Variants in KIT observed in about 807,000 individuals in gnomAD.
KIT encodes KIT proto-oncogene, receptor tyrosine kinase, also known as mast/stem cell growth factor receptor Kit.
Under a neutral mutation model 105.7 loss-of-function variants are expected in KIT, and 16 were observed. The ratio of observed to expected loss-of-function variants is 0.15; its 90% CI spans 0.10 to 0.23. The LOEUF (loss-of-function observed/expected upper bound fraction) is 0.23, where lower values mean the gene tolerates loss of function less well. Among genes scored for constraint, KIT ranks in the 10% least tolerant of loss-of-function variants. The probability of loss-of-function intolerance (pLI) is 1.00; values close to 1 mark genes in which losing one functional copy is unlikely to be tolerated. For missense variants in KIT, 858 were observed against 1,213.8 expected (o/e 0.71, Z 4.36); for synonymous variants, 438 against 441.1 (o/e 0.99, Z 0.09).
intron 2 of KIT, 122 bp downstream of exon 2, chr4:54,695,903 T>G: frequency 8.9e-7 from 1 of 1,122,416 alleles, no homozygotes; most frequent in Non-Finnish European, 1.3e-6. Flanking sequence ...CTAGAAGGCC[T>G]AAAACACATG....
intron 1 of KIT, among the ~76,000 whole-genome samples, chr4:54,673,722 C>A (rs1021171757): frequency 8.5e-5 from 13 of 152,192 alleles, no homozygotes; most frequent in Admixed American, 5.9e-4. Context: ...CAACTGGATT[C>A]TTTTCTGTTG....
chr4:54,672,305 A>ATTT (rs71662293), intron 1 of KIT, among the ~76,000 whole-genome samples: 5 of 130,150 alleles, frequency 3.8e-5, no homozygotes, highest in African/African-American at 5.2e-5. Flanking sequence ...ACTCAGTTTG[A>ATTT]TTTTTTTTTT....
intron 7 of KIT, among the ~76,000 whole-genome samples, chr4:54,715,310 T>A (rs1320809696): frequency 1.3e-5 from 2 of 151,816 alleles, no homozygotes; most frequent in African/African-American, 4.8e-5. Flanking sequence ...CCATCTAGCT[T>A]TTGGCCAGCC....
intron 7 of KIT, among the ~76,000 whole-genome samples, chr4:54,723,056 G>A (rs1333022979): frequency 1.3e-5 from 2 of 151,550 alleles, no homozygotes; most frequent in Non-Finnish European, 2.9e-5. Flanking sequence ...AGAGTGATTC[G>A]GCTTTTAATC....
chr4:54,723,657 G>C lies in KIT; in HGVS notation c.1305G>C (p.Glu435Asp). The change falls in exon 8 of 21, where the codon GAG becomes GAC. Residue 435 changes from glutamate (E) to aspartate (D), a missense_variant. Coordinates refer to ENST00000288135, the MANE Select transcript of KIT (RefSeq NM_000222.3). ...AATGTGTGGCAGCAGGATTCCCAGAGCCCACAATAGATTGGTATTTTTGTC... is the reference window on the plus strand; with the variant it reads ...AATGTGTGGCAGCAGGATTCCCAGACCCCACAATAGATTGGTATTTTTGTC... ...MLQCVAAGFP[E>D]PTIDWYFCPG... is the part of the protein sequence containing the mutation. 6.2e-7 allele frequency: 1 copy of C among 1,613,998 alleles called. No homozygotes were observed.
chr4:54,685,859 G>A (rs1719275752), intron 1 of KIT, among the ~76,000 whole-genome samples: 1 of 152,164 alleles, frequency 6.6e-6, no homozygotes, highest in Admixed American at 6.5e-5. Context: ...TGAGCCCTAG[G>A]AATCTTTTTC....
intron 7 of KIT, among the ~76,000 whole-genome samples, chr4:54,720,182 G>T (rs1412601439): frequency 2.0e-5 from 3 of 151,944 alleles, no homozygotes; most frequent in Admixed American, 2.0e-4. Flanking sequence ...TAGATCTCTG[G>T]AGGTGCGGCC....
In KIT at chr4:54,736,813, G is replaced by A. The variant is rs1250080954; in HGVS notation, c.2689G>A (p.Ala897Thr). 4.3e-6 allele frequency: 7 copies of A among 1,613,746 alleles called. No homozygotes were observed. The highest frequency in any genetic ancestry group is 5.9e-6 in the Non-Finnish European group (7 of 1,179,784). Reference sequence around the variant, plus strand: ...GATGCTCAGCCCTGAACACGCACCTGCTGAAATGTAAGAGCCAAAAAATTT... The same window carrying A: ...GATGCTCAGCCCTGAACACGCACCTACTGAAATGTAAGAGCCAAAAAATTT... ...FRMLSPEHAP[A>T]EMYDIMKTCW... The change falls in exon 19 of 21, where the codon GCT (alanine) becomes ACT (threonine). Residue 897 changes from alanine to threonine, a missense_variant. Around this residue, in one of 7 missense-constraint regions of KIT, gnomAD observed 105 missense variants for 103.5 expected, o/e 1.01. Coordinates refer to ENST00000288135, the MANE Select transcript of KIT (RefSeq NM_000222.3).
At chr4:54,694,614 A>G (rs1198214610) in intron 1 of KIT, among the ~76,000 whole-genome samples, 2 of 152,138 alleles carry the variant, frequency 1.3e-5, no homozygotes, top group Admixed American at 6.5e-5. Context: ...TCCTAGGCTC[A>G]AGCAATCTTC....
intron 7 of KIT, among the ~76,000 whole-genome samples, chr4:54,722,816 TA>T (rs1478359863): frequency 0.022 from 93 of 4,290 alleles, no homozygotes; most frequent in African/African-American, 0.068. Flanking sequence ...TATATATATT[TA>T]TATATATATA....
intron 2 of KIT, among the ~76,000 whole-genome samples, chr4:54,697,611 C>A (rs140443923): frequency 5.3e-5 from 8 of 152,312 alleles, no homozygotes; most frequent in Admixed American, 5.2e-4. Flanking sequence ...CTGAAACTCA[C>A]AAGCTCCCCT....
At chr4:54,732,296 T>C (rs561936886) in intron 16 of KIT, among the ~76,000 whole-genome samples, 25 of 152,110 alleles carry the variant, frequency 1.6e-4, no homozygotes, top group Non-Finnish European at 2.8e-4. Flanking sequence ...TTTTAGGATA[T>C]AGGATATGTT....
intron 1 of KIT, 85 bp from the exon 2 acceptor site, chr4:54,695,427 G>A (rs2109659794): frequency 7.1e-7 from 1 of 1,405,490 alleles, no homozygotes; most frequent in Non-Finnish European, 1.0e-6. Flanking sequence ...AGAGTACACA[G>A]AAGATGGAAC....
intron 9 of KIT, among the ~76,000 whole-genome samples, 193 bp downstream of exon 9, chr4:54,726,243 A>G (rs1722210297): frequency 6.6e-6 from 1 of 152,200 alleles, no homozygotes; most frequent in Non-Finnish European, 1.5e-5. Flanking sequence ...GAGCAATTTT[A>G]ACCATGCTAC....
intron 5 of KIT, 144 bp downstream of exon 5, chr4:54,704,036 C>T: frequency 1.3e-6 from 1 of 795,776 alleles, no homozygotes. Flanking sequence ...ATCCTTGTAG[C>T]CTCTTGCAAT....
intron 1 of KIT, among the ~76,000 whole-genome samples, chr4:54,685,977 C>T (rs1162993310): frequency 6.6e-6 from 1 of 152,218 alleles, no homozygotes; most frequent in Non-Finnish European, 1.5e-5. Context: ...TTATGTGAGT[C>T]TGTCTTCCCC....
At chr4:54,695,002 A>G (rs896176368) in intron 1 of KIT, among the ~76,000 whole-genome samples, 1 of 152,200 alleles carries the variant, frequency 6.6e-6, no homozygotes, top group Admixed American at 6.5e-5. Flanking sequence ...TCTCCTTTTG[A>G]TGAACATTGC....
intron 1 of KIT, among the ~76,000 whole-genome samples, chr4:54,689,463 CAGAG>C (rs3839164): frequency 6.6e-6 from 1 of 152,122 alleles, no homozygotes; most frequent in Admixed American, 6.5e-5. Flanking sequence ...TCTTTCCACT[CAGAG>C]AGTTAAAAGA....
intron 1 of KIT, among the ~76,000 whole-genome samples, chr4:54,679,605 T>G (rs1001018241): frequency 6.6e-6 from 1 of 152,170 alleles, no homozygotes; most frequent in Non-Finnish European, 1.5e-5. Flanking sequence ...GTATGTTCAC[T>G]AGCAAAATGT....
Sources: gnomAD v4.1 joint callset for allele counts (sites outside exome capture counted in the v4.1 genomes callset) on GRCh38, gnomAD v4.1.1 for gene constraint, gnomAD v4.1.1 regional missense constraint, MANE v1.5 for transcripts, NCBI Gene and HGNC (gene_info 2026-07-23, HGNC 2026-07-21) for gene names.